The following CNGA1 variants were observed in gnomAD, a reference collection of about 807,000 sequenced individuals.
CNGA1 encodes cyclic nucleotide-gated channel alpha-1.
A neutral mutation model predicts 69.7 loss-of-function variants in CNGA1; 53 were observed. The ratio of observed to expected loss-of-function variants is 0.76; its 90% confidence interval spans 0.61 to 0.96. CNGA1 has a LOEUF of 0.96. Ranked by LOEUF, CNGA1 falls within the 40% of genes least tolerant of loss-of-function variation. The pLI is 0.00. For synonymous variants in CNGA1, 249 were observed against 283.5 expected, an observed-to-expected ratio of 0.88 and a Z score of 1.22; for missense variants, 739 against 811.2, an observed-to-expected ratio of 0.91 and a Z score of 1.08.
intron 3 of CNGA1, among the ~76,000 whole-genome samples, chr4:47,966,827 A>C (rs1740749118): frequency 6.6e-6 from 1 of 152,268 alleles, no homozygotes. Context: ...AATAAGATTC[A>C]CAATAATAAT....
At chr4:47,955,078 C>T (rs1190283088) in intron 3 of CNGA1, among the ~76,000 whole-genome samples, 2 of 151,554 alleles carry the variant, frequency 1.3e-5, no homozygotes, top group South Asian at 2.1e-4. Context: ...AATTTTGTTA[C>T]TTAACAGTTT....
At chr4:48,008,441 C>A (rs1290791927) in intron 2 of CNGA1, among the ~76,000 whole-genome samples, 1 of 152,018 alleles carries the variant, frequency 6.6e-6, no homozygotes, top group African/African-American at 2.4e-5. Context: ...TGTACACAAC[C>A]TTTAAGCTTT....
chr4:48,010,002 T>C (rs764860620), intron 2 of CNGA1, among the ~76,000 whole-genome samples: 5 of 152,206 alleles, frequency 3.3e-5, no homozygotes, highest in Non-Finnish European at 5.9e-5. Context: ...TATAGATTCA[T>C]AAAGACCTTT....
intron 2 of CNGA1, among the ~76,000 whole-genome samples, chr4:48,002,159 A>T (rs981398349): frequency 1.3e-5 from 2 of 152,168 alleles, no homozygotes; most frequent in Non-Finnish European, 2.9e-5. Flanking sequence ...TAGCAAATTA[A>T]ACTCCAAGTA....
At chr4:47,977,510 G>A (rs1741476408) in intron 3 of CNGA1, among the ~76,000 whole-genome samples, 1 of 152,126 alleles carries the variant, frequency 6.6e-6, no homozygotes, top group African/African-American at 2.4e-5. Flanking sequence ...GGATGTCTGA[G>A]TGCTCATGGT....
chr4:47,950,845 T>C (rs1354949229), intron 5 of CNGA1, among the ~76,000 whole-genome samples: 2 of 152,192 alleles, frequency 1.3e-5, no homozygotes, highest in Admixed American at 1.3e-4. Context: ...CAGTGCTCTA[T>C]TTCCTAAAAG....
chr4:47,946,741 C>T (rs1332090744), intron 6 of CNGA1, among the ~76,000 whole-genome samples: 1 of 151,954 alleles, frequency 6.6e-6, no homozygotes, highest in Non-Finnish European at 1.5e-5. Flanking sequence ...AGTAAGCTGC[C>T]CAGGCAGGTG....
chr4:48,009,767 G>A (rs1233055664), intron 2 of CNGA1, among the ~76,000 whole-genome samples: 1 of 152,124 alleles, frequency 6.6e-6, no homozygotes, highest in Non-Finnish European at 1.5e-5. Flanking sequence ...TCATGCCATT[G>A]CACTCCAGCC....
rs199744386 is a variant in CNGA1 at position 47,985,765 on chromosome 4, C to CG, written c.-122-4266_-122-4265insC. 1.5e-3 allele frequency among the ~76,000 whole-genome samples: 227 copies of CG among 151,764 alleles called. 1 individual carries two copies. The highest frequency in any genetic ancestry group is 5.4e-3 in the African/African-American group (222 of 41,344). ...TCCTTCGTCTATCTTCCCCCACCCC[C>CG]CCAAAAAAAACCATATTTAAGAATG... On this transcript the variant is annotated intron_variant, in intron 2 of 10. Coordinates refer to ENST00000514170, the MANE Select transcript of CNGA1 (RefSeq NM_001379270.1).
chr4:47,957,841 A>C (rs1410064165), intron 3 of CNGA1, among the ~76,000 whole-genome samples: 1 of 151,816 alleles, frequency 6.6e-6, no homozygotes, highest in Non-Finnish European at 1.5e-5. Flanking sequence ...AGCTTTGGCC[A>C]TTCTCCTATG....
In CNGA1 at chr4:47,943,246, C is replaced by G. The variant is rs1247475814; in HGVS notation, c.372G>C (p.Lys124Asn). 4 of 1,583,878 alleles carry G rather than the reference C, an allele frequency of 2.5e-6. No homozygotes were observed. In the African/African-American group the frequency reaches 4.1e-5, roughly 16 times the overall value. The change falls in exon 8 of 11, where the codon AAG becomes AAC. Residue 124 changes from lysine (K) to asparagine (N), a missense_variant. Coordinates refer to ENST00000514170, the MANE Select transcript of CNGA1 (RefSeq NM_001379270.1). ...TCTCTTTGTCCTTTTTCTTCTTTTT[C>G]TTCTCTGGGTCGTTTTTATTTTCGT... Reference protein sequence around the residue: ...DKNENKNDPEKKKKKKDKEKK... With the variant: ...DKNENKNDPENKKKKKDKEKK...
chr4:47,937,665 G>A lies in CNGA1; in HGVS notation c.817C>T (p.Arg273Trp), dbSNP rs999576624. Residue 273 changes from arginine to tryptophan, a missense_variant, in exon 11 of 11, where the codon CGG (arginine) becomes TGG (tryptophan). By Grantham distance (101) the Arg-to-Trp change is moderately radical. Transcript: ENST00000514170. ...AAGAACTCAAACATACGAGAGAACC[G>A]TAACAACCTGTTTAATCTAATTTCT... ...YPEIRLNRLL[R>W]FSRMFEFFQR... 1.8e-5 allele frequency: 29 copies of A among 1,614,084 alleles called. No homozygotes were observed. Among genetic ancestry groups the A allele is most frequent in the African/African-American group, 1.3e-4 (10 of 75,028 alleles).
intron 3 of CNGA1, among the ~76,000 whole-genome samples, chr4:47,977,672 C>G (rs1300276463): frequency 2.0e-5 from 3 of 152,110 alleles, no homozygotes; most frequent in Non-Finnish European, 4.4e-5. Flanking sequence ...TTAATGAACT[C>G]TAATGTCTCC....
At chr4:47,994,830 A>G (rs182870030) in intron 2 of CNGA1, among the ~76,000 whole-genome samples, 7 of 152,188 alleles carry the variant, frequency 4.6e-5, no homozygotes, top group Non-Finnish European at 8.8e-5. Flanking sequence ...GATTTGTTTC[A>G]ATATTTAGAG....
intron 2 of CNGA1, among the ~76,000 whole-genome samples, chr4:48,008,916 A>G (rs1715032887): frequency 6.6e-6 from 1 of 152,230 alleles, no homozygotes; most frequent in South Asian, 2.1e-4. Flanking sequence ...AGTTATGGTA[A>G]TTTTACTAAA....
chr4:47,950,953 A>T (rs1485096341), intron 5 of CNGA1, among the ~76,000 whole-genome samples: 1 of 152,226 alleles, frequency 6.6e-6, no homozygotes, highest in Non-Finnish European at 1.5e-5. Context: ...GAGAAACAAG[A>T]AATCAGAAAG....
intron 2 of CNGA1, among the ~76,000 whole-genome samples, chr4:48,006,158 A>C (rs1204505881): frequency 6.6e-6 from 1 of 152,088 alleles, no homozygotes; most frequent in Non-Finnish European, 1.5e-5. Context: ...TTATCTCTCC[A>C]TGAGTCCTGA....
At chr4:47,989,729 T>C (rs1294868458) in intron 2 of CNGA1, among the ~76,000 whole-genome samples, 2 of 149,272 alleles carry the variant, frequency 1.3e-5, no homozygotes. Flanking sequence ...ATTTGTGAGA[T>C]TTCATTGCAC....
intron 2 of CNGA1, among the ~76,000 whole-genome samples, chr4:47,987,420 A>T (rs923171282): frequency 1.3e-5 from 2 of 152,188 alleles, no homozygotes; most frequent in African/African-American, 4.8e-5. Flanking sequence ...TTAATTGTTT[A>T]TATCTATTTC....
Sources: gnomAD v4.1 joint callset for allele counts (sites outside exome capture counted in the v4.1 genomes callset) on GRCh38, gnomAD v4.1.1 for gene constraint, MANE v1.5 for transcripts, NCBI Gene and HGNC (gene_info 2026-07-23, HGNC 2026-07-21) for gene names.